MYO1D: variants seen among roughly 807,000 people sequenced by gnomAD.
MYO1D encodes the protein myosin ID.
In MYO1D, 83 loss-of-function variants were observed where a neutral mutation model predicts 122.0. The ratio of observed to expected loss-of-function variants is 0.68; its 90% confidence interval spans 0.57 to 0.82. MYO1D has a LOEUF of 0.82. Among genes scored for constraint, MYO1D ranks in the 40% least tolerant of loss-of-function variants. The probability of loss-of-function intolerance (pLI) is 0.00; values close to 1 mark genes in which losing one functional copy is unlikely to be tolerated. For synonymous variants in MYO1D, 464 were observed against 446.9 expected (o/e 1.04, Z -0.48); for missense variants, 1,157 against 1,269.5 (o/e 0.91, Z 1.35).
intron 1 of MYO1D, among the ~76,000 whole-genome samples, chr17:32,804,450 T>C (rs1490618616): frequency 1.3e-5 from 2 of 152,220 alleles, no homozygotes; most frequent in Non-Finnish European, 2.9e-5. Flanking sequence ...TTTTTATTTT[T>C]AAATATTGTC....
At chr17:32,595,022 T>C (rs1308803488) in intron 21 of MYO1D, among the ~76,000 whole-genome samples, 1 of 152,184 alleles carries the variant, frequency 6.6e-6, no homozygotes, top group Non-Finnish European at 1.5e-5. Context: ...ACAGCCCTTT[T>C]AGTTGCTGAT....
intron 16 of MYO1D, among the ~76,000 whole-genome samples, chr17:32,693,189 CA>C (rs2089126108): frequency 6.6e-6 from 1 of 152,124 alleles, no homozygotes; most frequent in Non-Finnish European, 1.5e-5. Context: ...TAATTCCTTA[CA>C]AAGAGTCAAA....
chr17:32,641,010 C>T (rs1366023748), intron 19 of MYO1D, among the ~76,000 whole-genome samples: 1 of 151,692 alleles, frequency 6.6e-6, no homozygotes, highest in Non-Finnish European at 1.5e-5. Flanking sequence ...TATGTATACA[C>T]CTGCCATGTT....
chr17:32,534,462 T>A (rs1242011371), intron 21 of MYO1D, among the ~76,000 whole-genome samples: 1 of 152,184 alleles, frequency 6.6e-6, no homozygotes, highest in Non-Finnish European at 1.5e-5. Context: ...TATGAGCCAC[T>A]GCGCCCAGCT....
At chr17:32,784,484 C>T (rs1823581074) in intron 1 of MYO1D, among the ~76,000 whole-genome samples, 1 of 151,232 alleles carries the variant, frequency 6.6e-6, no homozygotes. Context: ...AAATGGTTAA[C>T]ATAAATTAAT....
rs1250520667 is a variant in MYO1D at position 32,866,543 on chromosome 17, AACTGATGCC to A, written c.95+10226_95+10234del. Among the ~76,000 whole-genome samples, 19 of 152,364 alleles carry A rather than the reference AACTGATGCC, an allele frequency of 1.2e-4. No homozygotes were observed. In the South Asian group the frequency reaches 3.9e-3, roughly 32 times the overall value. On this transcript the variant is annotated intron_variant, in intron 1 of 21. Coordinates refer to ENST00000318217, the MANE Select transcript of MYO1D (RefSeq NM_015194.3). Reference sequence around the variant, plus strand: ...AATGAAATTCTCTATTCCTTATTCTAACTGATGCCACTGAGGCATGAGAAAGAAATTAAC... The same window carrying A: ...AATGAAATTCTCTATTCCTTATTCTAACTGAGGCATGAGAAAGAAATTAAC...
At chr17:32,731,778 C>T (rs962890836) in intron 14 of MYO1D, among the ~76,000 whole-genome samples, 6 of 152,184 alleles carry the variant, frequency 3.9e-5, no homozygotes, top group African/African-American at 7.2e-5. Flanking sequence ...CGCCCAGCTA[C>T]GGTGCAGGAC....
intron 1 of MYO1D, among the ~76,000 whole-genome samples, chr17:32,870,542 C>T (rs975723182): frequency 1.1e-4 from 16 of 150,614 alleles, no homozygotes; most frequent in African/African-American, 2.9e-4. Flanking sequence ...TAACTCACTG[C>T]CCCAACACAC....
intron 21 of MYO1D, among the ~76,000 whole-genome samples, chr17:32,560,620 G>T (rs1254932929): frequency 7.7e-6 from 1 of 129,712 alleles, no homozygotes; most frequent in Non-Finnish European, 1.6e-5. Context: ...AAGATTAGCC[G>T]GTGAATCTTT....
intron 16 of MYO1D, among the ~76,000 whole-genome samples, chr17:32,668,751 G>A (rs1222668872): frequency 3.3e-5 from 5 of 151,394 alleles, no homozygotes; most frequent in African/African-American, 4.9e-5. Context: ...GCCCAGGCTG[G>A]AGTGCAGTGG....
At chr17:32,604,338 G>A (rs767280054) in intron 21 of MYO1D, among the ~76,000 whole-genome samples, 57 of 152,162 alleles carry the variant, frequency 3.7e-4, no homozygotes, top group Admixed American at 2.1e-3. Context: ...GTGGGGTTGG[G>A]GAGGTGAAGG....
At position 32,834,768 on chromosome 17, in the gene MYO1D, C is replaced by T. The variant is rs137998250; in HGVS notation, c.95+42010G>A. ...GTAGCTCCCACCTTTAATCCCAGCA[C>T]TTCGGAAGGCCGAGGCGGGCAGATC... is the stretch of plus-strand genomic sequence containing the variant. On this transcript the variant is annotated intron_variant, in intron 1 of 21. Transcript: ENST00000318217. Among the ~76,000 whole-genome samples, 243 of 152,342 alleles carry T rather than the reference C, an allele frequency of 1.6e-3. 1 individual carries two copies. The highest frequency in any genetic ancestry group is 5.6e-3 in the African/African-American group (232 of 41,568).
chr17:32,732,107 G>A (rs898539901), intron 14 of MYO1D, among the ~76,000 whole-genome samples: 6 of 152,230 alleles, frequency 3.9e-5, no homozygotes, highest in African/African-American at 1.2e-4. Context: ...GACTTTGGAT[G>A]CCAAAGAGCA....
At chr17:32,521,678 G>A (rs984536704) in intron 21 of MYO1D, among the ~76,000 whole-genome samples, 6 of 152,094 alleles carry the variant, frequency 3.9e-5, no homozygotes, top group Admixed American at 2.0e-4. Context: ...GGCCAGGTGC[G>A]GTGGCGCACG....
chr17:32,514,176 A>G lies in MYO1D; in HGVS notation c.2865-19261T>C, dbSNP rs1476874746. ...GAGCTGCTTAAATCCACAGGTAGAG[A>G]TTGTAGTCAGCTGAGATTGTGCCAC... On this transcript the variant is annotated intron_variant, in intron 21 of 21. Coordinates refer to ENST00000318217, the MANE Select transcript of MYO1D (RefSeq NM_015194.3). Among the ~76,000 whole-genome samples the G allele has an allele frequency of 6.4e-5, 9 of 139,892 alleles. 1 individual carries two copies. The highest frequency in any genetic ancestry group is 2.4e-4 in the African/African-American group (9 of 38,268). The allele number at this position is 139,892 out of a possible 152,430, so 91.8% of individuals were successfully genotyped here. A position where few individuals can be genotyped will look rare whatever the true frequency, so the allele number is the denominator to read the frequency against.
At chr17:32,645,922 C>T (rs2150944979) in intron 19 of MYO1D, among the ~76,000 whole-genome samples, 1 of 152,328 alleles carries the variant, frequency 6.6e-6, no homozygotes, top group East Asian at 1.9e-4. Flanking sequence ...CATTCTCCAT[C>T]CAGCTTTGTT....
At chr17:32,730,014 AAT>A (rs2089618644) in intron 14 of MYO1D, among the ~76,000 whole-genome samples, 2 of 152,060 alleles carry the variant, frequency 1.3e-5, no homozygotes, top group African/African-American at 4.8e-5. Context: ...TGTAATTACT[AAT>A]ATATTTATAT....
chr17:32,775,908 C>G lies in MYO1D; in HGVS notation c.520G>C (p.Gly174Arg), dbSNP rs756917660. ...KYMDINFDFKGDPIGGHINNY... is the reference protein window; with the variant it reads ...KYMDINFDFKRDPIGGHINNY... ...TTGATATGCCCACCAATAGGGTCAC[C>G]CTTGAAGTCAAAGTTGATATCCATG... The change falls in exon 4 of 22, where the codon GGT becomes CGT. Residue 174 changes from glycine to arginine, a missense_variant. Transcript: ENST00000318217. 1.2e-6 allele frequency: 2 copies of G among 1,613,478 alleles called. No individual in the cohort carries two copies. The highest frequency in any genetic ancestry group is 2.2e-5 in the East Asian group (1 of 44,816).
rs541186050 is a variant in MYO1D, at chr17:32,765,137, T to G, written c.832-56A>C. ...ATGAAACATTATGTCAAGGATATAT[T>G]TGCCAATATAAAATACAATTCAGGT... On this transcript the variant is annotated intron_variant, in intron 7 of 21. Coordinates refer to ENST00000318217, the MANE Select transcript of MYO1D (RefSeq NM_015194.3). 3.3e-5 allele frequency: 47 copies of G among 1,433,902 alleles called. 1 individual carries two copies. The South Asian group carries it at 5.2e-4, about 16-fold the overall frequency. 88.8% of individuals were successfully genotyped at this position (1,433,902 alleles called of 1,614,324 possible).
Sources: gnomAD v4.1 joint callset for allele counts (sites outside exome capture counted in the v4.1 genomes callset) on GRCh38, gnomAD v4.1.1 for gene constraint, MANE v1.5 for transcripts, NCBI Gene and HGNC (gene_info 2026-07-23, HGNC 2026-07-21) for gene names.